Variants in FRMD3 observed in about 807,000 individuals in gnomAD.
The protein encoded by FRMD3 is FERM domain containing 3.
A neutral mutation model predicts 70.2 loss-of-function variants in FRMD3; 33 were observed. The observed-to-expected ratio is 0.47, with a 90% CI of 0.36 to 0.63. FRMD3 has a LOEUF of 0.63. FRMD3 is among the 20% of genes least tolerant of loss of function. The pLI, the probability that FRMD3 is intolerant of heterozygous loss-of-function variation, is 0.00. For missense variants in FRMD3, 632 were observed against 711.4 expected (o/e 0.89, Z 1.27); for synonymous variants, 279 against 255.9 (o/e 1.09, Z -0.86).
intron 8 of FRMD3, among the ~76,000 whole-genome samples, chr9:83,311,039 TC>T (rs952802164): frequency 6.6e-6 from 1 of 152,216 alleles, no homozygotes; most frequent in African/African-American, 2.4e-5. Context: ...ATATTGGAGT[TC>T]CCATTCTTTT....
chr9:83,540,806 C>G (rs148130741), upstream of FRMD3, among the ~76,000 whole-genome samples: 2 of 152,184 alleles, frequency 1.3e-5, no homozygotes, highest in Non-Finnish European at 2.9e-5. Context: ...AACAACAGAG[C>G]TCAAAGAATA....
chr9:83,401,169 C>T lies in FRMD3; in HGVS notation c.148-11461G>A, dbSNP rs545382684. ...TAAGCCCCAGGAGCTAATTGCGTTC[C>T]CATTTTCAAGAAGAGGAAGATAAAA... On this transcript the variant is annotated intron_variant, in intron 1 of 13. Transcript: ENST00000304195. 7.2e-5 allele frequency among the ~76,000 whole-genome samples: 11 copies of T among 152,238 alleles called. No individual in the cohort carries two copies. The South Asian group carries it at 2.1e-3, about 29-fold the overall frequency.
chr9:83,286,274 C>T (rs1193210424), intron 13 of FRMD3, among the ~76,000 whole-genome samples: 2 of 152,022 alleles, frequency 1.3e-5, no homozygotes, highest in Non-Finnish European at 2.9e-5. Context: ...AATAGAGATT[C>T]CATAAGTTAA....
rs1168650565 is a variant in FRMD3 at position 83,415,614 on chromosome 9, C to CTTT, written c.148-25909_148-25907dup. ...CCCACCACCACGACTGACTAATTTT[C>CTTT]TTTTTTTTTTTTTTTTTTTGGATTT... On this transcript the variant is annotated intron_variant, in intron 1 of 13. Transcript: ENST00000304195. 2.9e-3 allele frequency among the ~76,000 whole-genome samples: 320 copies of CTTT among 108,926 alleles called. 4 individuals are homozygous for CTTT. Among genetic ancestry groups the CTTT allele is most frequent in the African/African-American group, 9.9e-3 (282 of 28,496 alleles). The allele number at this position is 108,926 out of a possible 152,430, so 71.5% of individuals were successfully genotyped here.
At chr9:83,446,342 CA>C (rs1827461133) in intron 1 of FRMD3, among the ~76,000 whole-genome samples, 3 of 152,132 alleles carry the variant, frequency 2.0e-5, no homozygotes, top group Non-Finnish European at 4.4e-5. Flanking sequence ...CTATAACTGA[CA>C]CTCGAAAATG....
chr9:83,300,630 TTAC>T (rs1006272921), intron 10 of FRMD3, among the ~76,000 whole-genome samples: 2 of 152,092 alleles, frequency 1.3e-5, no homozygotes, highest in South Asian at 2.1e-4. Flanking sequence ...ATCTCAGAAT[TTAC>T]CACAATATAA....
chr9:83,331,636 T>C (rs1823373729), intron 6 of FRMD3, among the ~76,000 whole-genome samples: 1 of 152,214 alleles, frequency 6.6e-6, no homozygotes, highest in African/African-American at 2.4e-5. Flanking sequence ...GTAATACATG[T>C]ACCACTCTAG....
At chr9:83,514,877 C>A (rs945317588) in intron 1 of FRMD3, among the ~76,000 whole-genome samples, 1 of 152,186 alleles carries the variant, frequency 6.6e-6, no homozygotes, top group African/African-American at 2.4e-5. Flanking sequence ...AGAGGCATGA[C>A]TGTTAGAAGG....
chr9:83,273,371 C>T (rs1208479861), intron 13 of FRMD3, among the ~76,000 whole-genome samples: 5 of 150,836 alleles, frequency 3.3e-5, no homozygotes, highest in African/African-American at 1.2e-4. Flanking sequence ...TGTGTCCACT[C>T]AGGGTTAAAT....
chr9:83,451,108 TG>T (rs1827641201), intron 1 of FRMD3, among the ~76,000 whole-genome samples: 2 of 152,062 alleles, frequency 1.3e-5, no homozygotes, highest in African/African-American at 4.8e-5. Flanking sequence ...GCCAAGTCAG[TG>T]GAATTTTTCA....
chr9:83,470,708 T>A (rs1828248457), intron 1 of FRMD3, among the ~76,000 whole-genome samples: 1 of 152,220 alleles, frequency 6.6e-6, no homozygotes, highest in South Asian at 2.1e-4. Context: ...CACAAGCTAA[T>A]CTGGTAGGAT....
At chr9:83,564,780 C>T in the FRMD3 span, among the ~76,000 whole-genome samples, 8 of 152,312 alleles carry the variant, frequency 5.3e-5, no homozygotes, top group Admixed American at 5.2e-4. Context: ...AGAACCTCTG[C>T]TTCTCTTGCC....
At chr9:83,451,887 G>C (rs146274672) in intron 1 of FRMD3, among the ~76,000 whole-genome samples, 21 of 152,230 alleles carry the variant, frequency 1.4e-4, no homozygotes, top group African/African-American at 4.8e-4. Context: ...TAATTTAATA[G>C]TTCATAATAG....
intron 3 of FRMD3, among the ~76,000 whole-genome samples, chr9:83,358,672 G>GTATTTATTTATTTATT (rs34830442): frequency 8.7e-4 from 124 of 143,020 alleles, no homozygotes; most frequent in Non-Finnish European, 1.4e-3. Context: ...ATATTCTTAA[G>GTATTTATTTATTTATT]TATTTATTTA....
At chr9:83,352,690 T>C (rs552678135) in intron 3 of FRMD3, among the ~76,000 whole-genome samples, 1 of 152,156 alleles carries the variant, frequency 6.6e-6, no homozygotes, top group Admixed American at 6.5e-5. Context: ...CAGTTCTGAG[T>C]GGCCTTCACC....
chr9:83,343,480 T>C (rs1268591024), intron 4 of FRMD3, among the ~76,000 whole-genome samples, 193 bp from the exon 5 acceptor site: 2 of 151,870 alleles, frequency 1.3e-5, no homozygotes, highest in Non-Finnish European at 1.5e-5. Flanking sequence ...AAATCAGAAG[T>C]GTCTGCCGAG....
intron 1 of FRMD3, among the ~76,000 whole-genome samples, chr9:83,480,156 C>T (rs1160605649): frequency 6.6e-6 from 1 of 152,174 alleles, no homozygotes; most frequent in Non-Finnish European, 1.5e-5. Context: ...CATAGCATCA[C>T]TTTCATACAG....
intron 3 of FRMD3, among the ~76,000 whole-genome samples, chr9:83,364,521 A>G (rs1224564491): frequency 6.6e-6 from 1 of 151,614 alleles, no homozygotes; most frequent in Non-Finnish European, 1.5e-5. Flanking sequence ...ACACCACTGC[A>G]CGCCAGCCTG....
At chr9:83,445,529 T>C (rs895077204) in intron 1 of FRMD3, among the ~76,000 whole-genome samples, 1 of 152,190 alleles carries the variant, frequency 6.6e-6, no homozygotes, top group Admixed American at 6.5e-5. Flanking sequence ...TTTAAATTCA[T>C]TCATCTAGCA....
Sources: allele counts gnomAD v4.1 joint callset (sites outside exome capture counted in the v4.1 genomes callset), GRCh38; gene constraint gnomAD v4.1.1; transcripts MANE v1.5; gene names NCBI Gene and HGNC (gene_info 2026-07-23, HGNC 2026-07-21).